Variants in TMEM143 observed in about 807,000 individuals in gnomAD.
The protein encoded by TMEM143 is transmembrane protein 143.
A neutral mutation model predicts 40.3 loss-of-function variants in TMEM143; 45 were observed. That is an observed-to-expected ratio of 1.12 (90% CI 0.88 to 1.43). TMEM143 has a LOEUF of 1.43. Among genes scored for constraint, TMEM143 ranks in the 40% most tolerant of loss-of-function variants. TMEM143 has a pLI of 0.00. For missense variants in TMEM143, 620 were observed against 613.4 expected, an observed-to-expected ratio of 1.01 and a Z score of -0.11; for synonymous variants, 299 against 282.7, an observed-to-expected ratio of 1.06 and a Z score of -0.58.
intron 3 of TMEM143, among the ~76,000 whole-genome samples, chr19:48,346,897 C>G (rs1969648131): frequency 6.6e-6 from 1 of 152,086 alleles, no homozygotes; most frequent in African/African-American, 2.4e-5. Context: ...TACTTTTCAA[C>G]CAGTATCCAC....
intron 3 of TMEM143, among the ~76,000 whole-genome samples, chr19:48,346,418 T>C (rs1309202127): frequency 6.6e-6 from 1 of 151,988 alleles, no homozygotes; most frequent in Non-Finnish European, 1.5e-5. Flanking sequence ...CCATATCCAA[T>C]CCTCTGGCAA....
At position 48,333,713 on chromosome 19, in the gene TMEM143, G is replaced by A. The variant is rs1472762347; in HGVS notation, c.1166-280C>T. On this transcript the variant is annotated intron_variant, in intron 7 of 7. Coordinates refer to ENST00000293261, the MANE Select transcript of TMEM143 (RefSeq NM_018273.4). This position sits in a 1 kb window ranked among gnomAD's most constrained non-coding sequence, Gnocchi z 4.1. ...AGGGGACCACCTGGAGCCCACACAGGGAGCGCGCAGGATCTCTTGTAGGGA... is the reference window on the plus strand; with the variant it reads ...AGGGGACCACCTGGAGCCCACACAGAGAGCGCGCAGGATCTCTTGTAGGGA... Among the ~76,000 whole-genome samples the A allele has an allele frequency of 6.6e-6, 1 of 152,168 alleles. No homozygotes were observed. The highest frequency in any genetic ancestry group is 6.5e-5 in the Admixed American group (1 of 15,272).
chr19:48,338,917 C>T (rs1969429164), intron 6 of TMEM143, among the ~76,000 whole-genome samples: 1 of 152,120 alleles, frequency 6.6e-6, no homozygotes, highest in Non-Finnish European at 1.5e-5. Context: ...TTGGCCAGCC[C>T]AACAAGAGGA....
chr19:48,362,184 G>C (rs142166393), intron 2 of TMEM143, among the ~76,000 whole-genome samples: 47 of 148,188 alleles, frequency 3.2e-4, no homozygotes, highest in Non-Finnish European at 4.7e-4. Context: ...GTATTTGTGT[G>C]TGTATCAAGT....
intron 3 of TMEM143, among the ~76,000 whole-genome samples, chr19:48,346,157 T>G (rs1969627251): frequency 6.6e-6 from 1 of 151,292 alleles, no homozygotes; most frequent in South Asian, 2.1e-4. Context: ...AGTGGTGCAA[T>G]CTCAGCTCAC....
Position 48,342,549 on chromosome 19 carries a change from A to G in TMEM143, c.956T>C (p.Met319Thr). The G allele has an allele frequency of 1.3e-5, 21 of 1,610,472 alleles. No homozygotes were observed. The highest frequency in any genetic ancestry group is 1.6e-5 in the Non-Finnish European group (19 of 1,179,084). Residue 319 changes from methionine (M) to threonine (T), a missense_variant, in exon 6 of 8, where the codon ATG becomes ACG. Physicochemically the swap from Met to Thr is moderately conservative, Grantham distance 81. Coordinates refer to ENST00000293261, the MANE Select transcript of TMEM143 (RefSeq NM_018273.4). ...GCTCACCTTGGAGGCCCGCAGGCCC[A>G]TGAAGATGGCGAAGAGCAGCAGCAG... ...SLLLLLFAIF[M>T]GLRASKMFGQ...
rs537501439 is a variant in TMEM143, at chr19:48,347,982, C to T, written c.370-2628G>A. ...GCTGCAGTAAACCATGATCGTGCCA[C>T]TCCACTCCACTCCAGCCTGGGTGAC... On this transcript the variant is annotated intron_variant, in intron 3 of 7. Coordinates refer to ENST00000293261, the MANE Select transcript of TMEM143 (RefSeq NM_018273.4). 4.0e-5 allele frequency among the ~76,000 whole-genome samples: 6 copies of T among 149,426 alleles called. No homozygotes were observed. The East Asian group carries it at 1.2e-3, about 30-fold the overall frequency.
Position 48,333,044 on chromosome 19 carries a change from A to G in TMEM143, c.*175T>C, listed in dbSNP as rs532312892. 2.2e-6 allele frequency: 1 copy of G among 451,984 alleles called. No homozygotes were observed. Among genetic ancestry groups the G allele is most frequent in the East Asian group, 3.5e-5 (1 of 28,452 alleles). The allele number at this position is 451,984 out of a possible 1,614,324, so 28.0% of individuals were successfully genotyped here. A position where few individuals can be genotyped will look rare whatever the true frequency, so the allele number is the denominator to read the frequency against. On this transcript the variant is annotated 3_prime_UTR_variant, in exon 8 of 8. Transcript: ENST00000293261. The surrounding 1 kb of genome is among the most constrained non-coding windows in gnomAD (Gnocchi z 4.1). The stretch of plus-strand genomic sequence containing the variant: ...TCGAAGGGGCGGGGAAGACTTAACA[A>G]CTGCTAGCTGCTTTGATTGGCTGCT...
chr19:48,363,493 C>T lies in TMEM143; in HGVS notation c.62G>A (p.Arg21Gln), dbSNP rs772168218. 6.2e-7 allele frequency: 1 copy of T among 1,613,764 alleles called. No homozygotes were observed. Among genetic ancestry groups the T allele is most frequent in the Non-Finnish European group, 8.5e-7 (1 of 1,179,932 alleles). Residue 21 changes from arginine (R) to glutamine (Q), a missense_variant, in exon 2 of 8, where the codon CGG becomes CAG. Transcript: ENST00000293261. Reference protein sequence around the residue: ...GKGLAMLHVTRGVWGSRVRVW... With the variant: ...GKGLAMLHVTQGVWGSRVRVW... ...TCGGACCCTGGACCCCCAGACCCCC[C>T]GGGTCACATGCAGCATGGCTAGACC...
chr19:48,353,133 G>A (rs925877217), intron 3 of TMEM143, among the ~76,000 whole-genome samples: 20 of 151,912 alleles, frequency 1.3e-4, no homozygotes, highest in African/African-American at 4.6e-4. Context: ...GATATGGAGG[G>A]CTGACTGTGC....
chr19:48,347,314 G>A (rs143731462), intron 3 of TMEM143, among the ~76,000 whole-genome samples: 46 of 152,316 alleles, frequency 3.0e-4, no homozygotes, highest in Admixed American at 5.2e-4. Flanking sequence ...ATTAGTGGAA[G>A]GAGAGAGGGC....
chr19:48,337,022 C>CA (rs1000750493), intron 6 of TMEM143, among the ~76,000 whole-genome samples: 3,202 of 117,708 alleles, frequency 0.027, 43 homozygotes, highest in Non-Finnish European at 0.042. Flanking sequence ...CTCAGTCTCA[C>CA]AAAAAAAAAA....
At chr19:48,338,471 G>A (rs996533189) in intron 6 of TMEM143, among the ~76,000 whole-genome samples, 7 of 152,308 alleles carry the variant, frequency 4.6e-5, no homozygotes, top group South Asian at 2.1e-4. Context: ...TGAAAAAGCC[G>A]GTTTACCCTG....
intron 3 of TMEM143, among the ~76,000 whole-genome samples, chr19:48,356,742 C>T (rs1969908837): frequency 1.3e-5 from 2 of 151,566 alleles, no homozygotes; most frequent in Admixed American, 1.3e-4. Flanking sequence ...GGATTACAGG[C>T]ATGCACCATC....
intron 2 of TMEM143, 96 bp downstream of exon 2, chr19:48,363,195 C>T (rs1185603498): frequency 1.3e-5 from 19 of 1,481,762 alleles, no homozygotes; most frequent in Non-Finnish European, 1.7e-5. Flanking sequence ...TCCCAGGAGG[C>T]GCCAGGGCAG....
chr19:48,358,466 A>C (rs2147386625), intron 3 of TMEM143, among the ~76,000 whole-genome samples: 1 of 152,062 alleles, frequency 6.6e-6, no homozygotes, highest in Non-Finnish European at 1.5e-5. Context: ...CTGAGCTCTC[A>C]GTCCTCCCTG....
intron 3 of TMEM143, among the ~76,000 whole-genome samples, chr19:48,348,759 A>G (rs1228475896): frequency 1.3e-5 from 2 of 152,082 alleles, no homozygotes; most frequent in East Asian, 3.8e-4. Context: ...GACCATGTCA[A>G]TCTCCTGCTA....
At chr19:48,363,673 C>G in intron 1 of TMEM143, 142 bp from the exon 2 acceptor site, 1 of 1,401,758 alleles carries the variant, frequency 7.1e-7, no homozygotes, top group Non-Finnish European at 9.6e-7. Flanking sequence ...CCCCTGTTGC[C>G]TGTCCCCTTC....
In TMEM143 at chr19:48,334,115, A is replaced by C; in HGVS notation, c.1058T>G (p.Leu353Arg). The C allele has an allele frequency of 6.2e-7, 1 of 1,604,118 alleles. No individual in the cohort carries two copies. Among genetic ancestry groups the C allele is most frequent in the Non-Finnish European group, 8.5e-7 (1 of 1,176,086 alleles). The change falls in exon 7 of 8, where the codon CTG becomes CGG. Residue 353 changes from leucine to arginine, a missense_variant. By Grantham distance (102) the Leu-to-Arg change is moderately radical. Transcript: ENST00000293261. ...CGCGCGCAGGGCCAGGGCGCTGAGC[A>C]GCTCCGAGTTGTTGGACGTACTGCG... ...YYRSTSNNSE[L>R]LSALALRAQD...
Sources: allele counts gnomAD v4.1 joint callset (sites outside exome capture counted in the v4.1 genomes callset), GRCh38; gene constraint gnomAD v4.1.1; non-coding constraint Gnocchi (gnomAD v3.1); transcripts MANE v1.5; gene names NCBI Gene and HGNC (gene_info 2026-07-23, HGNC 2026-07-21).